The following SHROOM3 variants were observed in gnomAD, a reference collection of about 807,000 sequenced individuals.
The protein encoded by SHROOM3 is shroom family member 3, also known as protein Shroom3.
In SHROOM3, 47 loss-of-function variants were observed where a neutral mutation model predicts 138.6. That is an observed-to-expected ratio of 0.34 (90% CI 0.27 to 0.43). The LOEUF (loss-of-function observed/expected upper bound fraction) is 0.43. Among genes scored for constraint, SHROOM3 ranks in the 20% least tolerant of loss-of-function variants. The pLI is 1.00. For missense variants in SHROOM3, 2,491 were observed against 2,596.5 expected, an observed-to-expected ratio of 0.96 and a Z score of 0.88; for synonymous variants, 1,062 against 1,063.3, an observed-to-expected ratio of 1.00 and a Z score of 0.02.
chr4:76,579,105 G>C (rs540135599), intron 2 of SHROOM3, among the ~76,000 whole-genome samples: 1 of 152,174 alleles, frequency 6.6e-6, no homozygotes, highest in African/African-American at 2.4e-5. Context: ...GCTTGAGCCC[G>C]GGAGGTCAAG....
intron 1 of SHROOM3, among the ~76,000 whole-genome samples, chr4:76,549,555 G>C (rs1733302801): frequency 6.6e-6 from 1 of 152,036 alleles, no homozygotes; most frequent in Admixed American, 6.6e-5. Flanking sequence ...TTTTAGTAGA[G>C]ACGGGGTTTC....
chr4:76,554,204 T>C (rs58504793), intron 1 of SHROOM3, among the ~76,000 whole-genome samples: 37,305 of 152,060 alleles, frequency 0.25, 5,260 homozygotes, highest in African/African-American at 0.39. Flanking sequence ...TGAAATTGTG[T>C]GGTATGTAGC....
intron 2 of SHROOM3, among the ~76,000 whole-genome samples, chr4:76,599,357 T>C (rs532849701): frequency 6.6e-6 from 1 of 152,298 alleles, no homozygotes; most frequent in South Asian, 2.1e-4. Flanking sequence ...GTAGGATCTT[T>C]TGCGTTGTGA....
chr4:76,461,020 TA>T (rs749591171), intron 1 of SHROOM3, among the ~76,000 whole-genome samples: 23 of 141,604 alleles, frequency 1.6e-4, no homozygotes, highest in East Asian at 4.1e-4. Context: ...AAAAAAAATT[TA>T]AAAAAAAAAA....
At chr4:76,516,980 C>A (rs1019670103) in intron 1 of SHROOM3, among the ~76,000 whole-genome samples, 2 of 152,198 alleles carry the variant, frequency 1.3e-5, no homozygotes, top group Non-Finnish European at 2.9e-5. Context: ...TTTGGAACTT[C>A]TATTTATCTT....
chr4:76,481,831 G>T (rs1354901377), intron 1 of SHROOM3, among the ~76,000 whole-genome samples: 1 of 152,150 alleles, frequency 6.6e-6, no homozygotes, highest in Non-Finnish European at 1.5e-5. Flanking sequence ...TCATCCCTGG[G>T]ATGCAAGGCT....
chr4:76,766,376 G>A lies in SHROOM3; in HGVS notation c.5350-4250G>A, dbSNP rs76225120. ...AGAGCCTCCTGCCTCCTTGTCCAGT[G>A]TTCATCCTGCTGTAGGCAGGAAGTG... On this transcript the variant is annotated intron_variant, in intron 9 of 10. Coordinates refer to ENST00000296043, the MANE Select transcript of SHROOM3 (RefSeq NM_020859.4). 4.6e-5 allele frequency among the ~76,000 whole-genome samples: 7 copies of A among 152,302 alleles called. No individual in the cohort carries two copies. In the East Asian group the frequency reaches 1.4e-3, roughly 29 times the overall value.
chr4:76,536,011 C>T (rs993055579), intron 1 of SHROOM3, among the ~76,000 whole-genome samples: 31 of 152,334 alleles, frequency 2.0e-4, no homozygotes, highest in African/African-American at 7.0e-4. Flanking sequence ...CCAGACCCAG[C>T]GCTTTCTCAG....
intron 2 of SHROOM3, among the ~76,000 whole-genome samples, chr4:76,669,413 G>T (rs1268369073): frequency 6.6e-6 from 1 of 152,102 alleles, no homozygotes; most frequent in Non-Finnish European, 1.5e-5. Context: ...TTGAGGTCAG[G>T]AGTTCAAAAC....
At chr4:76,521,242 G>A (rs1350881143) in intron 1 of SHROOM3, among the ~76,000 whole-genome samples, 2 of 151,970 alleles carry the variant, frequency 1.3e-5, no homozygotes, top group Admixed American at 6.6e-5. Context: ...AGCTAATAAG[G>A]CCTGGGGTTT....
At chr4:76,577,783 C>T (rs1448648988) in intron 2 of SHROOM3, among the ~76,000 whole-genome samples, 3 of 152,194 alleles carry the variant, frequency 2.0e-5, no homozygotes, top group African/African-American at 4.8e-5. Context: ...ATGCTGCATA[C>T]ATTTTCTGAG....
At chr4:76,760,200 G>A (rs1465643395) in intron 9 of SHROOM3, among the ~76,000 whole-genome samples, 4 of 152,160 alleles carry the variant, frequency 2.6e-5, no homozygotes, top group Admixed American at 2.6e-4. Flanking sequence ...CCCTTTTTGA[G>A]GGACTTCAGC....
chr4:76,683,404 G>C (rs1168049254), intron 2 of SHROOM3, among the ~76,000 whole-genome samples: 2 of 151,986 alleles, frequency 1.3e-5, no homozygotes, highest in African/African-American at 2.4e-5. Context: ...ATAGAAGTTT[G>C]CTTTTTCTCC....
chr4:76,585,646 T>C (rs1734137614), intron 2 of SHROOM3, among the ~76,000 whole-genome samples: 1 of 152,218 alleles, frequency 6.6e-6, no homozygotes, highest in Non-Finnish European at 1.5e-5. Flanking sequence ...TGTGCTGAAT[T>C]TTAAGATGCG....
intron 2 of SHROOM3, among the ~76,000 whole-genome samples, chr4:76,702,093 A>C (rs920132802): frequency 2.6e-5 from 4 of 152,294 alleles, no homozygotes; most frequent in East Asian, 3.9e-4. Context: ...CATATGTTTT[A>C]TCTCATATGA....
intron 2 of SHROOM3, among the ~76,000 whole-genome samples, chr4:76,667,612 C>A (rs1718731538): frequency 6.6e-6 from 1 of 152,046 alleles, no homozygotes; most frequent in African/African-American, 2.4e-5. Context: ...TCATGCCCAG[C>A]CTGTTATGTA....
chr4:76,621,148 T>TA (rs200298082), intron 2 of SHROOM3, among the ~76,000 whole-genome samples: 30,727 of 146,014 alleles, frequency 0.21, 3,999 homozygotes, highest in African/African-American at 0.37. Context: ...TGCCAAGTAT[T>TA]AAAAAAAAAA....
chr4:76,531,136 T>G (rs796788014), intron 1 of SHROOM3, among the ~76,000 whole-genome samples: 5 of 152,264 alleles, frequency 3.3e-5, no homozygotes, highest in African/African-American at 1.2e-4. Flanking sequence ...GGATTTCTAT[T>G]AATACATTAG....
chr4:76,567,422 G>A (rs959239065), intron 2 of SHROOM3, among the ~76,000 whole-genome samples: 12 of 152,236 alleles, frequency 7.9e-5, no homozygotes, highest in East Asian at 1.9e-4. Flanking sequence ...AGTCCAAGGC[G>A]GGTGAATCAT....
Sources: gnomAD v4.1 joint callset for allele counts (sites outside exome capture counted in the v4.1 genomes callset) on GRCh38, gnomAD v4.1.1 for gene constraint, MANE v1.5 for transcripts, NCBI Gene and HGNC (gene_info 2026-07-23, HGNC 2026-07-21) for gene names.